NTM: variants seen among roughly 807,000 people sequenced by gnomAD.
The protein encoded by NTM is neurotrimin.
Under a neutral mutation model 42.1 loss-of-function variants are expected in NTM, and 13 were observed. That is an observed-to-expected ratio of 0.31 (90% confidence interval 0.20 to 0.49). NTM has a LOEUF of 0.49. Among genes scored for constraint, NTM ranks in the 20% least tolerant of loss-of-function variants. The pLI is 0.99. For missense variants in NTM, 373 were observed against 452.8 expected (o/e 0.82, Z 1.60); for synonymous variants, 187 against 179.2 (o/e 1.04, Z -0.35).
Position 131,909,895 on chromosome 11 carries a change from TA to T in NTM, c.83-1666del, listed in dbSNP as rs1392325607. ...CCAGGAAACCTGGGAGTCTGCTGTA[TA>T]AATACAGCAAGTGGCTCACACTCAT... On this transcript the variant is annotated intron_variant, in intron 1 of 8. Coordinates refer to ENST00000683400, the MANE Select transcript of NTM (RefSeq NM_001352005.2). 4 of 152,102 alleles carry T rather than the reference TA, an allele frequency of 2.6e-5. No homozygotes were observed. In the East Asian group the frequency reaches 5.8e-4, roughly 22 times the overall value. 9.4% of individuals were successfully genotyped at this position (152,102 alleles called of 1,614,324 possible). A position where few individuals can be genotyped will look rare whatever the true frequency, so the allele number is the denominator to read the frequency against.
At chr11:131,515,075 C>A (rs1004569666) in intron 1 of NTM, among the ~76,000 whole-genome samples, 1 of 152,082 alleles carries the variant, frequency 6.6e-6, no homozygotes, top group Admixed American at 6.6e-5. Flanking sequence ...CTATGCCTGG[C>A]TAAGTTTTAT....
chr11:131,660,705 A>G, intron 1 of NTM: 1 of 425,102 alleles, frequency 2.4e-6, no homozygotes, highest in South Asian at 1.9e-5. Context: ...TAGGGTGGTG[A>G]AGAGGGACGG....
intron 1 of NTM, among the ~76,000 whole-genome samples, chr11:131,846,982 G>A (rs560347758): frequency 6.6e-6 from 1 of 152,278 alleles, no homozygotes; most frequent in African/African-American, 2.4e-5. Flanking sequence ...AAGGTCTAGG[G>A]TCTTGTTAAG....
At chr11:131,954,862 C>T (rs187673075) in intron 2 of NTM, among the ~76,000 whole-genome samples, 12 of 152,124 alleles carry the variant, frequency 7.9e-5, no homozygotes, top group African/African-American at 2.9e-4. Flanking sequence ...TATGTATATA[C>T]ACATCTTTCT....
At chr11:131,672,297 C>T (rs1263652069) in intron 1 of NTM, among the ~76,000 whole-genome samples, 1 of 152,198 alleles carries the variant, frequency 6.6e-6, no homozygotes. Flanking sequence ...GGGATGCCAG[C>T]GAGCCAGGCT....
At chr11:132,027,422 C>T (rs1353198382) in intron 2 of NTM, among the ~76,000 whole-genome samples, 1 of 152,226 alleles carries the variant, frequency 6.6e-6, no homozygotes, top group Non-Finnish European at 1.5e-5. Flanking sequence ...TATTGCAAGG[C>T]AAGTATCCTG....
chr11:131,699,079 G>A (rs1295796058), intron 1 of NTM, among the ~76,000 whole-genome samples: 2 of 152,286 alleles, frequency 1.3e-5, no homozygotes, highest in South Asian at 2.1e-4. Context: ...CACCTAATGT[G>A]TGTTCATCTT....
chr11:132,025,269 C>T (rs1183548354), intron 2 of NTM, among the ~76,000 whole-genome samples: 4 of 152,210 alleles, frequency 2.6e-5, no homozygotes, highest in South Asian at 2.1e-4. Context: ...AGAGGTCTGC[C>T]ATCCTGTGTG....
At chr11:132,138,034 C>T (rs1368408178) in intron 2 of NTM, among the ~76,000 whole-genome samples, 1 of 152,192 alleles carries the variant, frequency 6.6e-6, no homozygotes, top group Non-Finnish European at 1.5e-5. Flanking sequence ...TTGTGCTTTG[C>T]TCATGCTCCT....
intron 2 of NTM, among the ~76,000 whole-genome samples, chr11:132,005,137 G>A (rs924857712): frequency 5.3e-5 from 8 of 152,212 alleles, no homozygotes; most frequent in Non-Finnish European, 7.4e-5. Context: ...ATTAAGCCTA[G>A]TAAGGGAGTC....
In NTM at chr11:132,192,836, G is replaced by C. The variant is rs2079530739; in HGVS notation, c.401-19186G>C. The stretch of plus-strand genomic sequence containing the variant: ...TATCAGTCAAACAGAAAATGAAAAA[G>C]AGTAGGGGTCGCCATTCTTATATCA... On this transcript the variant is annotated intron_variant, in intron 3 of 8. Coordinates refer to ENST00000683400, the MANE Select transcript of NTM (RefSeq NM_001352005.2). 2.6e-5 allele frequency among the ~76,000 whole-genome samples: 4 copies of C among 152,086 alleles called. No homozygotes were observed. In the South Asian group the frequency reaches 8.3e-4, roughly 32 times the overall value.
At chr11:131,479,536 C>A (rs1489026007) in intron 1 of NTM, among the ~76,000 whole-genome samples, 2 of 152,142 alleles carry the variant, frequency 1.3e-5, no homozygotes, top group African/African-American at 4.8e-5. Context: ...AGGCTGCAGC[C>A]AGACTAAAAT....
At chr11:131,458,647 C>A (rs1366773115) in intron 1 of NTM, among the ~76,000 whole-genome samples, 1 of 152,188 alleles carries the variant, frequency 6.6e-6, no homozygotes, top group Non-Finnish European at 1.5e-5. Context: ...TTATCTCTAG[C>A]ACCTAGCACA....
chr11:132,000,614 A>G (rs1221879568), intron 2 of NTM, among the ~76,000 whole-genome samples: 2 of 152,194 alleles, frequency 1.3e-5, no homozygotes, highest in Non-Finnish European at 1.5e-5. Context: ...GACTAATGAC[A>G]GACTCCTTCA....
At chr11:132,040,188 A>C in intron 2 of NTM, among the ~76,000 whole-genome samples, 1 of 152,036 alleles carries the variant, frequency 6.6e-6, no homozygotes, top group East Asian at 1.9e-4. Flanking sequence ...TCTGCCTCCC[A>C]AAGTAGTAGG....
chr11:131,809,245 A>G (rs1243113363), intron 1 of NTM, among the ~76,000 whole-genome samples: 5 of 152,224 alleles, frequency 3.3e-5, no homozygotes. Flanking sequence ...TATGTATACC[A>G]TGCAATAACA....
intron 3 of NTM, among the ~76,000 whole-genome samples, chr11:132,168,891 A>G (rs2075685801): frequency 6.6e-6 from 1 of 152,158 alleles, no homozygotes; most frequent in African/African-American, 2.4e-5. Flanking sequence ...TTCACTTTAC[A>G]CATGTCTTAG....
chr11:131,495,556 G>C (rs1233310082), intron 1 of NTM, among the ~76,000 whole-genome samples: 1 of 152,250 alleles, frequency 6.6e-6, no homozygotes, highest in Non-Finnish European at 1.5e-5. Flanking sequence ...TGCTGGGCCA[G>C]TGTGGTCGAT....
intron 1 of NTM, among the ~76,000 whole-genome samples, chr11:131,651,755 C>T (rs187092452): frequency 2.6e-5 from 4 of 152,148 alleles, no homozygotes; most frequent in South Asian, 4.1e-4. Flanking sequence ...GCAGGAGAAT[C>T]GCTTGAACGC....
Sources: allele counts gnomAD v4.1 joint callset (sites outside exome capture counted in the v4.1 genomes callset), GRCh38; gene constraint gnomAD v4.1.1; transcripts MANE v1.5; gene names NCBI Gene and HGNC (gene_info 2026-07-23, HGNC 2026-07-21).